Variants in NAALADL2 observed in about 807,000 individuals in gnomAD.
NAALADL2 encodes the protein N-acetylated alpha-linked acidic dipeptidase like 2.
A neutral mutation model predicts 87.2 loss-of-function variants in NAALADL2; 76 were observed. That is an observed-to-expected ratio of 0.87 (90% CI 0.72 to 1.05). NAALADL2 has a LOEUF of 1.05. Ranked by LOEUF, NAALADL2 falls within the 50% of genes least tolerant of loss-of-function variation. The pLI, the probability that NAALADL2 is intolerant of heterozygous loss-of-function variation, is 0.00. For synonymous variants in NAALADL2, 354 were observed against 331.0 expected (o/e 1.07, Z -0.75); for missense variants, 1,089 against 945.8 (o/e 1.15, Z -1.99).
chr3:174,972,725 G>C (rs531122601), intron 1 of NAALADL2, among the ~76,000 whole-genome samples: 13 of 152,284 alleles, frequency 8.5e-5, no homozygotes, highest in African/African-American at 3.1e-4. Flanking sequence ...GCCTGGGGCA[G>C]TGTCTCACAC....
At chr3:175,459,577 G>A (rs73884414) in intron 6 of NAALADL2, among the ~76,000 whole-genome samples, 36 of 151,814 alleles carry the variant, frequency 2.4e-4, no homozygotes, top group Non-Finnish European at 4.0e-4. Flanking sequence ...AAAACCACAC[G>A]TATATATTTT....
At chr3:175,660,167 C>T (rs1184233546) in intron 11 of NAALADL2, among the ~76,000 whole-genome samples, 1 of 152,104 alleles carries the variant, frequency 6.6e-6, no homozygotes, top group Admixed American at 6.6e-5. Context: ...CCTCATGACT[C>T]AATCACTTCC....
chr3:174,568,071 T>G (rs547052698), intron 2 of NAALADL2, among the ~76,000 whole-genome samples: 1 of 151,910 alleles, frequency 6.6e-6, no homozygotes, highest in East Asian at 1.9e-4. Context: ...TGTGAGGATA[T>G]TTTAAGTATT....
At chr3:174,609,101 C>T (rs963924797) in intron 2 of NAALADL2, among the ~76,000 whole-genome samples, 2 of 151,836 alleles carry the variant, frequency 1.3e-5, no homozygotes, top group Admixed American at 1.3e-4. Context: ...AGGCCTTTGA[C>T]AAAATTCAAC....
chr3:175,149,239 T>C (rs1158133832), intron 2 of NAALADL2, among the ~76,000 whole-genome samples: 1 of 152,172 alleles, frequency 6.6e-6, no homozygotes, highest in Non-Finnish European at 1.5e-5. Flanking sequence ...TTTTAAAATG[T>C]TCAGTTAAGC....
At chr3:174,969,342 A>G (rs1743296815) in intron 1 of NAALADL2, among the ~76,000 whole-genome samples, 2 of 152,128 alleles carry the variant, frequency 1.3e-5, no homozygotes, top group South Asian at 2.1e-4. Flanking sequence ...TCCCTTCTGT[A>G]ACACTCCTCT....
chr3:175,146,690 C>T (rs563289238), intron 2 of NAALADL2, among the ~76,000 whole-genome samples: 10 of 152,210 alleles, frequency 6.6e-5, no homozygotes, highest in Non-Finnish European at 1.2e-4. Flanking sequence ...TATTTTACTT[C>T]GTGATGCGTA....
intron 2 of NAALADL2, among the ~76,000 whole-genome samples, chr3:175,167,815 T>C (rs1734207157): frequency 6.6e-6 from 1 of 152,088 alleles, no homozygotes; most frequent in Non-Finnish European, 1.5e-5. Flanking sequence ...TTGCCCAAAG[T>C]GGAGCCTCCT....
rs59352149 is a variant in NAALADL2, at chr3:175,495,092, ATT to A, written c.1653+23342_1653+23343del. The stretch of plus-strand genomic sequence containing the variant: ...CAATCCCATATATATATATATATAT[ATT>A]TTTTTTTAATTTTAGATTATTTCTA... On this transcript the variant is annotated intron_variant, in intron 9 of 13. Transcript: ENST00000454872. 4.9e-3 allele frequency among the ~76,000 whole-genome samples: 671 copies of A among 136,454 alleles called. 10 individuals carry two copies. The highest frequency in any genetic ancestry group is 0.017 in the African/African-American group (604 of 35,124). The allele number at this position is 136,454 out of a possible 152,430, so 89.5% of individuals were successfully genotyped here.
chr3:174,921,626 C>T (rs1050806992), intron 1 of NAALADL2, among the ~76,000 whole-genome samples: 1 of 151,372 alleles, frequency 6.6e-6, no homozygotes, highest in African/African-American at 2.4e-5. Context: ...ATGGTGAAAC[C>T]CCATTGCTAC....
intron 4 of NAALADL2, among the ~76,000 whole-genome samples, chr3:175,290,416 A>T (rs1042563717): frequency 7.9e-5 from 12 of 152,340 alleles, no homozygotes; most frequent in African/African-American, 2.9e-4. Flanking sequence ...GGAGAGAGAA[A>T]GTAGATCAGT....
chr3:174,534,676 C>G (rs1226193798), intron 1 of NAALADL2, among the ~76,000 whole-genome samples: 1 of 152,108 alleles, frequency 6.6e-6, no homozygotes, highest in Non-Finnish European at 1.5e-5. Context: ...CATATATACC[C>G]CTAAATCAAT....
chr3:175,709,564 G>A (rs531755317), intron 11 of NAALADL2, among the ~76,000 whole-genome samples: 6 of 152,094 alleles, frequency 3.9e-5, no homozygotes, highest in Admixed American at 1.3e-4. Context: ...CACCAGTTGC[G>A]TAGGCTTATA....
chr3:175,369,973 C>T (rs1229134180), intron 5 of NAALADL2, among the ~76,000 whole-genome samples: 1 of 152,092 alleles, frequency 6.6e-6, no homozygotes, highest in Non-Finnish European at 1.5e-5. Flanking sequence ...TTGGGTTAAT[C>T]CAGCTACCAC....
intron 1 of NAALADL2, among the ~76,000 whole-genome samples, chr3:174,475,498 A>C (rs1232880561): frequency 1.3e-5 from 2 of 151,976 alleles, no homozygotes; most frequent in African/African-American, 4.8e-5. Flanking sequence ...ATAGGAACTA[A>C]AGTTAGAATA....
chr3:174,861,989 G>A (rs935074337), intron 1 of NAALADL2, among the ~76,000 whole-genome samples: 4 of 151,874 alleles, frequency 2.6e-5, no homozygotes, highest in African/African-American at 9.7e-5. Context: ...AACATAAAAA[G>A]GAATCTCCTC....
intron 9 of NAALADL2, among the ~76,000 whole-genome samples, chr3:175,501,380 T>C (rs564778323): frequency 2.5e-4 from 38 of 151,028 alleles, no homozygotes; most frequent in African/African-American, 8.8e-4. Context: ...CCCTGGAGGT[T>C]AAAAGATTGT....
intron 2 of NAALADL2, among the ~76,000 whole-genome samples, chr3:174,599,353 C>G (rs537979722): frequency 6.6e-6 from 1 of 152,078 alleles, no homozygotes; most frequent in South Asian, 2.1e-4. Context: ...GCAAATCTGT[C>G]CCTAACTAGG....
chr3:174,902,675 T>C (rs189379858), intron 1 of NAALADL2, among the ~76,000 whole-genome samples: 1 of 152,290 alleles, frequency 6.6e-6, no homozygotes, highest in Non-Finnish European at 1.5e-5. Context: ...TATTTATCTA[T>C]TGAAACTTGT....
Sources: gnomAD v4.1 joint callset for allele counts (sites outside exome capture counted in the v4.1 genomes callset) on GRCh38, gnomAD v4.1.1 for gene constraint, MANE v1.5 for transcripts, NCBI Gene and HGNC (gene_info 2026-07-23, HGNC 2026-07-21) for gene names.